BAALC: variants seen among roughly 807,000 people sequenced by gnomAD.
BAALC encodes brain and acute leukemia cytoplasmic protein.
A neutral mutation model predicts 15.5 loss-of-function variants in BAALC; 9 were observed. The ratio of observed to expected loss-of-function variants is 0.58; its 90% CI spans 0.35 to 1.02. The LOEUF (loss-of-function observed/expected upper bound fraction) is 1.02, where lower values mean the gene tolerates loss of function less well. Among genes scored for constraint, BAALC ranks in the 50% least tolerant of loss-of-function variants. The probability of loss-of-function intolerance (pLI) is 0.02; values close to 1 mark genes in which losing one functional copy is unlikely to be tolerated. For synonymous variants in BAALC, 80 were observed against 74.6 expected (o/e 1.07, Z -0.37); for missense variants, 201 against 192.4 (o/e 1.04, Z -0.27).
In BAALC at chr8:103,196,421, C is replaced by T. The variant is rs186727309; in HGVS notation, c.161-16498C>T. The stretch of plus-strand genomic sequence containing the variant: ...TCAGCCTCCCAAATAGCTGGGACTA[C>T]GGGCATGCACCACCATGCCTGGCTA... On this transcript the variant is annotated intron_variant, in intron 1 of 2. Transcript: ENST00000309982. 1.6e-3 allele frequency among the ~76,000 whole-genome samples: 243 copies of T among 152,212 alleles called. 1 individual carries two copies. The highest frequency in any genetic ancestry group is 5.1e-3 in the African/African-American group (212 of 41,554).
chr8:103,160,674 A>G (rs1270057247), intron 1 of BAALC, among the ~76,000 whole-genome samples: 2 of 152,174 alleles, frequency 1.3e-5, no homozygotes, highest in African/African-American at 4.8e-5. Context: ...ATTAACTTAC[A>G]TGATCACAAG....
At chr8:103,217,431 T>A (rs1019048979) in intron 2 of BAALC, among the ~76,000 whole-genome samples, 1 of 150,910 alleles carries the variant, frequency 6.6e-6, no homozygotes, top group Non-Finnish European at 1.5e-5. Context: ...AAAATACTTT[T>A]CTTCCTATTC....
In BAALC at chr8:103,176,219, GCT is replaced by G. The variant is rs142897219; in HGVS notation, c.160+35168_160+35169del. Among the ~76,000 whole-genome samples the G allele has an allele frequency of 4.2e-3, 634 of 152,204 alleles. 4 individuals carry two copies. Among genetic ancestry groups the G allele is most frequent in the African/African-American group, 0.014 (581 of 41,518 alleles). ...TTACTTCTACTATTTCACAAGAAAG[GCT>G]CTCTCACGCATACATGCACACACAC... On this transcript the variant is annotated intron_variant, in intron 1 of 2. Coordinates refer to ENST00000309982, the MANE Select transcript of BAALC (RefSeq NM_024812.3).
intron 1 of BAALC, among the ~76,000 whole-genome samples, chr8:103,165,215 T>C (rs1345478645): frequency 2.6e-5 from 4 of 152,192 alleles, no homozygotes; most frequent in Non-Finnish European, 4.4e-5. Context: ...TCCCTTTGCA[T>C]TTCTGTGTTA....
At chr8:103,181,889 T>C (rs1239434692) in intron 1 of BAALC, among the ~76,000 whole-genome samples, 2 of 152,228 alleles carry the variant, frequency 1.3e-5, no homozygotes, top group African/African-American at 2.4e-5. Flanking sequence ...ATCCATGTTA[T>C]AGAACATACC....
chr8:103,211,281 T>C (rs763197760), intron 1 of BAALC, among the ~76,000 whole-genome samples: 4 of 152,362 alleles, frequency 2.6e-5, no homozygotes, highest in South Asian at 2.1e-4. Context: ...TTCCTAATAA[T>C]GTTCAGCCCT....
intron 1 of BAALC, among the ~76,000 whole-genome samples, chr8:103,211,771 T>C (rs1294565990): frequency 6.6e-6 from 1 of 152,224 alleles, no homozygotes; most frequent in Admixed American, 6.5e-5. Context: ...CCTGGGTTTT[T>C]CTTTCTCGCA....
At chr8:103,210,442 C>G (rs916938154) in intron 1 of BAALC, among the ~76,000 whole-genome samples, 2 of 152,260 alleles carry the variant, frequency 1.3e-5, no homozygotes, top group African/African-American at 4.8e-5. Flanking sequence ...CCTGTGGACA[C>G]TGCCATCTCA....
chr8:103,156,093 G>A (rs1811084065), intron 1 of BAALC, among the ~76,000 whole-genome samples: 1 of 152,172 alleles, frequency 6.6e-6, no homozygotes, highest in Admixed American at 6.5e-5. Flanking sequence ...TCCTGTCCTA[G>A]ATGATTTTGA....
chr8:103,177,459 T>G (rs1425324006), intron 1 of BAALC, among the ~76,000 whole-genome samples: 2 of 152,156 alleles, frequency 1.3e-5, no homozygotes, highest in African/African-American at 2.4e-5. Flanking sequence ...CACTGGGAGT[T>G]TATAGGCATA....
chr8:103,168,903 C>G (rs539011943), intron 1 of BAALC, among the ~76,000 whole-genome samples: 1 of 152,128 alleles, frequency 6.6e-6, no homozygotes, highest in Admixed American at 6.5e-5. Context: ...TTTATGCCTT[C>G]TACATTTAAT....
intron 1 of BAALC, among the ~76,000 whole-genome samples, chr8:103,174,914 ACAG>A (rs1367418250): frequency 6.6e-6 from 1 of 152,200 alleles, no homozygotes; most frequent in Non-Finnish European, 1.5e-5. Flanking sequence ...CAATCTGACA[ACAG>A]TCCCCCAAAT....
intron 2 of BAALC, 143 bp downstream of exon 2, chr8:103,213,228 T>A: frequency 2.1e-6 from 2 of 957,588 alleles, no homozygotes; most frequent in Non-Finnish European, 3.0e-6. Context: ...CCCACCCATG[T>A]AAAAATTGCT....
intron 1 of BAALC, among the ~76,000 whole-genome samples, chr8:103,160,255 A>C (rs1195903463): frequency 6.6e-6 from 1 of 152,202 alleles, no homozygotes; most frequent in African/African-American, 2.4e-5. Context: ...ATAGGGGCTC[A>C]AAGGCCGCAT....
At chr8:103,170,444 A>C (rs1280143760) in intron 1 of BAALC, among the ~76,000 whole-genome samples, 1 of 152,186 alleles carries the variant, frequency 6.6e-6, no homozygotes, top group Non-Finnish European at 1.5e-5. Flanking sequence ...TATGATATTA[A>C]GGTGAACCTT....
At position 103,172,859 on chromosome 8, in the gene BAALC, T is replaced by C. The variant is rs77913873; in HGVS notation, c.160+31802T>C. On this transcript the variant is annotated intron_variant, in intron 1 of 2. Transcript: ENST00000309982. Reference sequence around the variant, plus strand: ...ATTATGATTTACTTAAAAATGTGTATATTAAATCAGGTAAAGTTACTCCTT... The same window carrying C: ...ATTATGATTTACTTAAAAATGTGTACATTAAATCAGGTAAAGTTACTCCTT... Among the ~76,000 whole-genome samples, 370 of 152,306 alleles carry C rather than the reference T, an allele frequency of 2.4e-3. 1 individual carries two copies. Among genetic ancestry groups the C allele is most frequent in the African/African-American group, 8.5e-3 (352 of 41,564 alleles).
At chr8:103,217,976 C>T (rs2130080117) in intron 2 of BAALC, among the ~76,000 whole-genome samples, 1 of 152,224 alleles carries the variant, frequency 6.6e-6, no homozygotes, top group Non-Finnish European at 1.5e-5. Context: ...ATAAATAAAG[C>T]ATTTATAGAC....
chr8:103,199,233 TCCAA>T (rs1279430185), intron 1 of BAALC, among the ~76,000 whole-genome samples: 126 of 152,304 alleles, frequency 8.3e-4, no homozygotes, highest in Non-Finnish European at 1.3e-3. Flanking sequence ...CCAATTGCCC[TCCAA>T]AATGGACAGT....
At chr8:103,192,053 ATTG>A (rs1217545596) in intron 1 of BAALC, among the ~76,000 whole-genome samples, 1 of 152,044 alleles carries the variant, frequency 6.6e-6, no homozygotes, top group Non-Finnish European at 1.5e-5. Context: ...TATTATTATT[ATTG>A]TTATTATTAT....
Sources: gnomAD v4.1 joint callset for allele counts (sites outside exome capture counted in the v4.1 genomes callset) on GRCh38, gnomAD v4.1.1 for gene constraint, MANE v1.5 for transcripts, NCBI Gene and HGNC (gene_info 2026-07-23, HGNC 2026-07-21) for gene names.